GPHN: variants seen among roughly 807,000 people sequenced by gnomAD.
GPHN encodes the protein gephyrin.
Under a neutral mutation model 95.5 loss-of-function variants are expected in GPHN, and 17 were observed. That is an observed-to-expected ratio of 0.18 (90% CI 0.12 to 0.27). GPHN has a LOEUF of 0.27. Ranked by LOEUF, GPHN falls within the 10% of genes least tolerant of loss-of-function variation. The pLI is 1.00. For missense variants in GPHN, 660 were observed against 978.1 expected (o/e 0.67, Z 4.34); for synonymous variants, 320 against 322.5 (o/e 0.99, Z 0.08).
At chr14:66,940,982 T>C (rs2067396077) in intron 8 of GPHN, among the ~76,000 whole-genome samples, 1 of 152,200 alleles carries the variant, frequency 6.6e-6, no homozygotes, top group Non-Finnish European at 1.5e-5. Context: ...TCCCTTGGTC[T>C]TACTTTCCCA....
intron 9 of GPHN, among the ~76,000 whole-genome samples, chr14:66,972,042 C>T (rs1478920376): frequency 2.0e-5 from 3 of 151,474 alleles, no homozygotes; most frequent in South Asian, 2.1e-4. Context: ...CTGAGGCAGG[C>T]GGGTCACTTG....
At chr14:67,279,117 G>T in the GPHN span, 8 of 1,428,386 alleles carry the variant, frequency 5.6e-6, no homozygotes, top group Admixed American at 2.5e-5. Flanking sequence ...CAAGAGAATT[G>T]GCTTATAGGA....
At chr14:67,392,713 A>G in the GPHN span, 2 of 1,614,222 alleles carry the variant, frequency 1.2e-6, no homozygotes, top group South Asian at 2.2e-5. Context: ...CCAGATCCCC[A>G]GAGCGAATGG....
chr14:66,544,566 CTTTCTTTT>C (rs1415274817), intron 1 of GPHN, among the ~76,000 whole-genome samples: 1 of 141,522 alleles, frequency 7.1e-6, no homozygotes, highest in Non-Finnish European at 1.5e-5. Flanking sequence ...GAATGCAAGC[CTTTCTTTT>C]TTTCTTTTTT....
chr14:66,698,510 A>G (rs1444656432), intron 2 of GPHN, among the ~76,000 whole-genome samples: 7 of 152,228 alleles, frequency 4.6e-5, no homozygotes, highest in African/African-American at 1.4e-4. Context: ...ATTCTGAATC[A>G]GGGAAATCCA....
chr14:67,659,832 C>T, the GPHN span: 339 of 1,614,058 alleles, frequency 2.1e-4, no homozygotes, highest in Non-Finnish European at 2.8e-4. Flanking sequence ...TGGAGTTTAG[C>T]AAGGTCCTTC....
chr14:67,044,924 T>C (rs2074924672), intron 10 of GPHN, among the ~76,000 whole-genome samples: 1 of 152,038 alleles, frequency 6.6e-6, no homozygotes, highest in Admixed American at 6.6e-5. Flanking sequence ...CAGGTAGATC[T>C]AATCCATTTC....
the GPHN span, among the ~76,000 whole-genome samples, chr14:67,511,805 A>G: frequency 2.0e-5 from 3 of 152,196 alleles, no homozygotes; most frequent in Non-Finnish European, 4.4e-5. Flanking sequence ...AGGGGAGGAG[A>G]GCCGAAGGCC....
At chr14:66,966,167 A>G (rs1377215511) in intron 9 of GPHN, among the ~76,000 whole-genome samples, 3 of 152,098 alleles carry the variant, frequency 2.0e-5, no homozygotes, top group Non-Finnish European at 2.9e-5. Flanking sequence ...CTGACAGTTA[A>G]TTTTTCAAAT....
the GPHN span, among the ~76,000 whole-genome samples, chr14:67,715,830 C>A: frequency 6.6e-6 from 1 of 152,208 alleles, no homozygotes; most frequent in Non-Finnish European, 1.5e-5. Flanking sequence ...CTGCTTCATG[C>A]AAACCTTGGT....
chr14:67,147,390 G>A (rs7152231), intron 18 of GPHN, among the ~76,000 whole-genome samples: 38,419 of 152,108 alleles, frequency 0.25, 9,816 homozygotes, highest in African/African-American at 0.62. Flanking sequence ...ATTCTCTGTG[G>A]ATGACAAATA....
At chr14:67,284,736 T>C in the GPHN span, among the ~76,000 whole-genome samples, 1 of 151,950 alleles carries the variant, frequency 6.6e-6, no homozygotes, top group Non-Finnish European at 1.5e-5. Flanking sequence ...TGAATGAAAT[T>C]ACATAACATA....
chr14:67,688,295 C>T, the GPHN span, among the ~76,000 whole-genome samples: 2 of 152,058 alleles, frequency 1.3e-5, no homozygotes, highest in African/African-American at 4.8e-5. Context: ...GGAAACAATC[C>T]AGATGTTGTT....
the GPHN span, among the ~76,000 whole-genome samples, chr14:67,327,036 G>C: frequency 6.6e-6 from 1 of 152,106 alleles, no homozygotes; most frequent in Non-Finnish European, 1.5e-5. Flanking sequence ...TTAGCCGGGT[G>C]TGGTGGCATG....
the GPHN span, chr14:67,581,131 G>A: frequency 3.8e-6 from 3 of 794,596 alleles, no homozygotes; most frequent in Admixed American, 3.8e-5. Flanking sequence ...TATCCAGACG[G>A]GGGGAGGGAC....
At chr14:67,564,784 G>A in the GPHN span, among the ~76,000 whole-genome samples, 1 of 151,250 alleles carries the variant, frequency 6.6e-6, no homozygotes, top group African/African-American at 2.4e-5. Context: ...AACTTCCCGG[G>A]CTCAAGCAAT....
the GPHN span, among the ~76,000 whole-genome samples, chr14:67,191,893 T>C: frequency 1.3e-5 from 2 of 152,272 alleles, no homozygotes; most frequent in Non-Finnish European, 2.9e-5. Flanking sequence ...ATGAAAACTA[T>C]ACTGTAATTC....
chr14:66,997,572 G>A (rs1365560693), intron 9 of GPHN, among the ~76,000 whole-genome samples: 1 of 152,094 alleles, frequency 6.6e-6, no homozygotes, highest in African/African-American at 2.4e-5. Context: ...AGATAGTACT[G>A]TTTAAAATAC....
In GPHN at chr14:66,961,930, A is replaced by G. The variant is rs1274125026; in HGVS notation, c.829-3261A>G. On this transcript the variant is annotated intron_variant, in intron 8 of 22. Coordinates refer to ENST00000478722, the MANE Select transcript of GPHN (RefSeq NM_020806.5). ...TATATATATATATATATATATATAT[A>G]TATATATATATATATATACACATAT... 2.5e-5 allele frequency among the ~76,000 whole-genome samples: 2 copies of G among 81,550 alleles called. 1 individual carries two copies. The highest frequency in any genetic ancestry group is 2.0e-4 in the African/African-American group (2 of 10,078). The allele number at this position is 81,550 out of a possible 152,430, so 53.5% of individuals were successfully genotyped here.
Sources: gnomAD v4.1 joint callset for allele counts (sites outside exome capture counted in the v4.1 genomes callset) on GRCh38, gnomAD v4.1.1 for gene constraint, MANE v1.5 for transcripts, NCBI Gene and HGNC (gene_info 2026-07-23, HGNC 2026-07-21) for gene names.